MYO5B: variants seen among roughly 807,000 people sequenced by gnomAD.
MYO5B encodes myosin VB.
In MYO5B, 143 loss-of-function variants were observed where a neutral mutation model predicts 229.3. The ratio of observed to expected loss-of-function variants is 0.62; its 90% CI spans 0.54 to 0.72. MYO5B has a LOEUF of 0.72. Ranked by LOEUF, MYO5B falls within the 30% of genes least tolerant of loss-of-function variation. The pLI is 0.00. For synonymous variants in MYO5B, 918 were observed against 885.2 expected, an observed-to-expected ratio of 1.04 and a Z score of -0.66; for missense variants, 2,321 against 2,331.0, an observed-to-expected ratio of 1.00 and a Z score of 0.09.
intron 5 of MYO5B, among the ~76,000 whole-genome samples, chr18:49,996,745 G>A (rs763404459): frequency 1.3e-5 from 2 of 152,210 alleles, no homozygotes; most frequent in Non-Finnish European, 2.9e-5. Context: ...GCTCTAAGAA[G>A]TGGAAAATTG....
At chr18:49,985,366 C>T (rs2025859834) in intron 7 of MYO5B, among the ~76,000 whole-genome samples, 1 of 152,168 alleles carries the variant, frequency 6.6e-6, no homozygotes, top group Non-Finnish European at 1.5e-5. Context: ...CTGTCATCCC[C>T]CAGCTTAATT....
At chr18:49,959,321 C>A (rs548038678) in intron 12 of MYO5B, among the ~76,000 whole-genome samples, 1 of 152,312 alleles carries the variant, frequency 6.6e-6, no homozygotes, top group Non-Finnish European at 1.5e-5. Context: ...CATGTGGTTT[C>A]TCATGTGAAT....
chr18:50,153,304 G>T (rs555766420), intron 1 of MYO5B, among the ~76,000 whole-genome samples: 75 of 152,290 alleles, frequency 4.9e-4, no homozygotes, highest in East Asian at 9.6e-4. Context: ...CTTCAAAATA[G>T]TGACTTTCAA....
chr18:49,960,349 CA>C (rs1435896512), intron 12 of MYO5B, among the ~76,000 whole-genome samples: 1 of 152,206 alleles, frequency 6.6e-6, no homozygotes, highest in East Asian at 1.9e-4. Flanking sequence ...GCTGCTTCCA[CA>C]GCCCAACAGG....
At chr18:50,029,021 C>T (rs1276904143) in intron 4 of MYO5B, among the ~76,000 whole-genome samples, 1 of 152,178 alleles carries the variant, frequency 6.6e-6, no homozygotes, top group Non-Finnish European at 1.5e-5. Context: ...ATGGCAATAT[C>T]CATTTACTAT....
chr18:50,077,595 TCTC>T (rs1299646156), intron 1 of MYO5B, among the ~76,000 whole-genome samples: 10 of 151,538 alleles, frequency 6.6e-5, no homozygotes. Context: ...CTCCCACTCA[TCTC>T]CTATAGATTC....
At chr18:50,104,246 T>C (rs1444601124) in intron 1 of MYO5B, among the ~76,000 whole-genome samples, 1 of 139,168 alleles carries the variant, frequency 7.2e-6, no homozygotes, top group Non-Finnish European at 1.5e-5. Context: ...AAATTTAAGA[T>C]TCCTGGGGAT....
intron 1 of MYO5B, among the ~76,000 whole-genome samples, chr18:50,066,216 T>TA (rs1598993910): frequency 6.6e-6 from 1 of 152,214 alleles, no homozygotes; most frequent in East Asian, 1.9e-4. Flanking sequence ...GCAATGTGCA[T>TA]AACCCCAGTC....
At chr18:50,140,527 G>A (rs978787878) in intron 1 of MYO5B, among the ~76,000 whole-genome samples, 18 of 152,094 alleles carry the variant, frequency 1.2e-4, no homozygotes, top group African/African-American at 2.4e-4. Flanking sequence ...TTCCACACCC[G>A]CTATAGGAAG....
chr18:50,152,318 AC>A (rs1252694155), intron 1 of MYO5B, among the ~76,000 whole-genome samples: 2 of 152,226 alleles, frequency 1.3e-5, no homozygotes, highest in Non-Finnish European at 1.5e-5. Flanking sequence ...TTAACCCACA[AC>A]GAGGGCACTC....
At chr18:49,936,670 G>A (rs1181522731) in intron 15 of MYO5B, among the ~76,000 whole-genome samples, 2 of 152,138 alleles carry the variant, frequency 1.3e-5, no homozygotes, top group Admixed American at 6.5e-5. Flanking sequence ...TGGTCACTGT[G>A]CACCGGAAGC....
At position 50,170,113 on chromosome 18, in the gene MYO5B, C is replaced by T. The variant is rs1282856576; in HGVS notation, c.27+24654G>A. On this transcript the variant is annotated intron_variant, in intron 1 of 39. Transcript: ENST00000285039. Reference sequence around the variant, plus strand: ...CCACTATTGCTAATAGGAAAACCCACCAAAAAGTTAACAGAAAAGCTGTGA... The same window carrying T: ...CCACTATTGCTAATAGGAAAACCCATCAAAAAGTTAACAGAAAAGCTGTGA... Among the ~76,000 whole-genome samples, 3 of 127,310 alleles carry T rather than the reference C, an allele frequency of 2.4e-5. 1 individual carries two copies. The highest frequency in any genetic ancestry group is 5.0e-5 in the Non-Finnish European group (3 of 59,824). 83.5% of individuals were successfully genotyped at this position (127,310 alleles called of 152,430 possible).
intron 14 of MYO5B, among the ~76,000 whole-genome samples, chr18:49,951,449 C>T (rs982135311): frequency 3.3e-5 from 5 of 152,122 alleles, no homozygotes; most frequent in Admixed American, 2.6e-4. Context: ...AGATTAACTA[C>T]ATGTGTCGGT....
At chr18:50,115,539 CACAGAGAG>C (rs1168661813) in intron 1 of MYO5B, among the ~76,000 whole-genome samples, 12 of 65,708 alleles carry the variant, frequency 1.8e-4, no homozygotes, top group South Asian at 1.7e-3. Flanking sequence ...CACACACACA[CACAGAGAG>C]ACACACACAC....
intron 4 of MYO5B, among the ~76,000 whole-genome samples, chr18:50,019,874 T>C (rs1171433001): frequency 6.6e-6 from 1 of 152,184 alleles, no homozygotes; most frequent in Non-Finnish European, 1.5e-5. Flanking sequence ...TCTCTGGCTG[T>C]GTCCCTCTTT....
Position 49,974,628 on chromosome 18 carries a change from G to T in MYO5B, c.1057-13C>A, listed in dbSNP as rs2025725437. ...ATACATCCTGGGGCTGTGGGAGATG[G>T]GGGAGATAGGTTCAGGAGGAGTGTG... On this transcript the variant is annotated splice_polypyrimidine_tract_variant and intron_variant, in intron 9 of 39. Transcript: ENST00000285039. 3 of 1,611,888 alleles carry T rather than the reference G, an allele frequency of 1.9e-6. No homozygotes were observed. The highest frequency in any genetic ancestry group is 1.1e-5 in the South Asian group (1 of 91,034).
chr18:50,031,254 G>A (rs992288146), intron 4 of MYO5B, among the ~76,000 whole-genome samples: 4 of 152,120 alleles, frequency 2.6e-5, no homozygotes, highest in African/African-American at 9.7e-5. Context: ...TTGGGTCTGG[G>A]TTCCATCTCT....
chr18:49,825,075 T>TC lies in MYO5B; in HGVS notation c.*1395_*1396insG, dbSNP rs1215500065. 13 of 152,346 alleles carry TC rather than the reference T, an allele frequency of 8.5e-5. No individual in the cohort carries two copies. The highest frequency in any genetic ancestry group is 1.6e-4 in the Non-Finnish European group (11 of 68,040). 9.4% of individuals were successfully genotyped at this position (152,346 alleles called of 1,614,324 possible). On this transcript the variant is annotated 3_prime_UTR_variant, in exon 40 of 40. Coordinates refer to ENST00000285039, the MANE Select transcript of MYO5B (RefSeq NM_001080467.3). ...ACTTCCAATTCATGGATAAATCTTA[T>TC]TTTCTCAATGTAATACAGAGGCTGT... is the stretch of plus-strand genomic sequence containing the variant.
chr18:50,086,968 A>C (rs1187322883), intron 1 of MYO5B, among the ~76,000 whole-genome samples: 2 of 152,196 alleles, frequency 1.3e-5, no homozygotes, highest in Admixed American at 1.3e-4. Flanking sequence ...AATCGGACTG[A>C]CTGGGAATAG....
Sources: gnomAD v4.1 joint callset for allele counts (sites outside exome capture counted in the v4.1 genomes callset) on GRCh38, gnomAD v4.1.1 for gene constraint, MANE v1.5 for transcripts, NCBI Gene and HGNC (gene_info 2026-07-23, HGNC 2026-07-21) for gene names.